The following MIER3 variants were observed in gnomAD, a reference collection of about 807,000 sequenced individuals.
The protein encoded by MIER3 is MIER family member 3.
In MIER3, 9 loss-of-function variants were observed where a neutral mutation model predicts 63.2. The observed-to-expected ratio is 0.14, with a 90% CI of 0.09 to 0.25. MIER3 has a LOEUF of 0.25. Ranked by LOEUF, MIER3 falls within the 10% of genes least tolerant of loss-of-function variation. The probability of loss-of-function intolerance (pLI) is 1.00; values close to 1 mark genes in which losing one functional copy is unlikely to be tolerated. For missense variants in MIER3, 512 were observed against 666.2 expected (o/e 0.77, Z 2.55); for synonymous variants, 205 against 224.9 (o/e 0.91, Z 0.79).
At chr5:56,923,629 A>G (rs771617542) in intron 12 of MIER3, 44 bp from the exon 13 acceptor site, 1 of 1,612,996 alleles carries the variant, frequency 6.2e-7, no homozygotes, top group South Asian at 1.1e-5. Context: ...GTCCTATGAC[A>G]TCAAACAGAG....
At chr5:56,948,685 A>G (rs35163627) in intron 2 of MIER3, among the ~76,000 whole-genome samples, 1 of 152,178 alleles carries the variant, frequency 6.6e-6, no homozygotes, top group Non-Finnish European at 1.5e-5. Flanking sequence ...CAAAAAAACA[A>G]CAAAAAAGAA....
Position 56,939,011 on chromosome 5 carries a change from T to C in MIER3, c.187A>G (p.Thr63Ala). The C allele has an allele frequency of 1.2e-6, 2 of 1,614,058 alleles. No homozygotes were observed. Among genetic ancestry groups the C allele is most frequent in the Non-Finnish European group, 1.7e-6 (2 of 1,179,948 alleles). The change falls in exon 4 of 13, where the codon ACC becomes GCC. Residue 63 changes from threonine (T) to alanine (A), a missense_variant. Coordinates refer to ENST00000381199, the MANE Select transcript of MIER3 (RefSeq NM_001297599.2). ...GCCAGTAAATCTTCTAGAGGCATGG[T>C]TCCTTCCTGTTCAAGCCAGGGCATA... ...SEIEDLEKEG[T>A]MPLEDLLAFY...
At chr5:56,928,236 T>C (rs1306972182) in intron 10 of MIER3, 2 of 152,264 alleles carry the variant, frequency 1.3e-5, no homozygotes. Flanking sequence ...GATTATTTAA[T>C]TATACGGTAA....
chr5:56,951,282 C>T (rs1306613288), intron 1 of MIER3, among the ~76,000 whole-genome samples: 1 of 152,042 alleles, frequency 6.6e-6, no homozygotes, highest in East Asian at 1.9e-4. Flanking sequence ...CTCCCTGGAC[C>T]GTCAGCGCGC....
At chr5:56,950,902 A>G (rs1445253903) in intron 1 of MIER3, among the ~76,000 whole-genome samples, 1 of 152,034 alleles carries the variant, frequency 6.6e-6, no homozygotes, top group Non-Finnish European at 1.5e-5. Context: ...AGGCAACTCC[A>G]AGTCGCTTCT....
intron 3 of MIER3, among the ~76,000 whole-genome samples, chr5:56,940,091 A>T (rs1750590006): frequency 6.6e-6 from 1 of 152,178 alleles, no homozygotes; most frequent in African/African-American, 2.4e-5. Flanking sequence ...GCATTTTGGG[A>T]GGCCGAGGCA....
Position 56,923,792 on chromosome 5 carries a change from C to A in MIER3, c.1094G>T (p.Gly365Val), listed in dbSNP as rs375553373. The change falls in exon 12 of 13, where the codon GGT becomes GTT. Residue 365 changes from glycine (G) to valine (V), a missense_variant. Transcript: ENST00000381199. ...DRLVDETEAL[G>V]GTVNASALTS... is the part of the protein sequence containing the mutation. The stretch of plus-strand genomic sequence containing the variant: ...TAAGGCTGAAGCATTTACCGTCCCA[C>A]CCAAAGCTTCTGTTTCATCTACTAA... 1 of 1,614,178 alleles carries A rather than the reference C, an allele frequency of 6.2e-7. No homozygotes were observed. The highest frequency in any genetic ancestry group is 8.5e-7 in the Non-Finnish European group (1 of 1,180,016).
chr5:56,930,191 T>C (rs1287931602), intron 9 of MIER3, among the ~76,000 whole-genome samples: 4 of 152,100 alleles, frequency 2.6e-5, no homozygotes, highest in African/African-American at 9.7e-5. Context: ...CCATTTTCCT[T>C]GACACACACA....
intron 10 of MIER3, 56 bp from the exon 11 acceptor site, chr5:56,924,098 A>G (rs999574915): frequency 6.4e-7 from 1 of 1,572,268 alleles, no homozygotes; most frequent in African/African-American, 1.4e-5. Flanking sequence ...TTTTTTAAGC[A>G]ACTTTTCTTT....
At chr5:56,943,231 T>G (rs530334661) in intron 3 of MIER3, among the ~76,000 whole-genome samples, 2 of 151,862 alleles carry the variant, frequency 1.3e-5, no homozygotes. Context: ...ATACATGACT[T>G]GAGACTTGGC....
intron 3 of MIER3, among the ~76,000 whole-genome samples, chr5:56,945,939 GTTTCT>G (rs1052952783): frequency 6.6e-6 from 1 of 151,956 alleles, no homozygotes; most frequent in Non-Finnish European, 1.5e-5. Context: ...TGTCTCTACT[GTTTCT>G]TTTATTCATT....
chr5:56,935,270 T>C (rs1750402740), intron 7 of MIER3, among the ~76,000 whole-genome samples, 158 bp downstream of exon 7: 1 of 152,172 alleles, frequency 6.6e-6, no homozygotes, highest in African/African-American at 2.4e-5. Flanking sequence ...TTAACTTTGA[T>C]ACATTTTTCC....
In MIER3 at chr5:56,923,904, A is replaced by G; in HGVS notation, c.1052+11T>C. On this transcript the variant is annotated intron_variant, in intron 11 of 12. Transcript: ENST00000381199. ...AAAGTAAGTCTTTGAAGGCAAGGCC[A>G]CAGTACTTACGTAACTCCAGGGTGA... 1 of 1,614,118 alleles carries G rather than the reference A, an allele frequency of 6.2e-7. No homozygotes were observed. The highest frequency in any genetic ancestry group is 8.5e-7 in the Non-Finnish European group (1 of 1,179,990).
chr5:56,947,169 A>T, intron 2 of MIER3, 98 bp from the exon 3 acceptor site: 1 of 1,187,130 alleles, frequency 8.4e-7, no homozygotes, highest in Non-Finnish European at 1.2e-6. Flanking sequence ...TTTCATGTTT[A>T]TATGAGGGTT....
upstream of MIER3, chr5:56,952,166 A>C: frequency 8.7e-7 from 1 of 1,152,686 alleles, no homozygotes; most frequent in Non-Finnish European, 1.1e-6. Flanking sequence ...GCCTGAGCCA[A>C]TCGCAGCCGC....
At chr5:56,924,297 G>A (rs1000029254) in intron 10 of MIER3, among the ~76,000 whole-genome samples, 2 of 151,964 alleles carry the variant, frequency 1.3e-5, no homozygotes, top group Non-Finnish European at 2.9e-5. Context: ...TATAAAACAA[G>A]TGTGTATCCA....
intron 8 of MIER3, 125 bp from the exon 9 acceptor site, chr5:56,930,870 G>T (rs747348743): frequency 5.1e-4 from 381 of 744,956 alleles, no homozygotes; most frequent in Non-Finnish European, 8.1e-4. Flanking sequence ...TAATTTCAGG[G>T]CATTTGAAGG....
chr5:56,949,273 G>A (rs1750933921), intron 2 of MIER3, among the ~76,000 whole-genome samples: 1 of 151,844 alleles, frequency 6.6e-6, no homozygotes, highest in Non-Finnish European at 1.5e-5. Context: ...CAGGAGAACA[G>A]CTTGAACCTC....
In MIER3 at chr5:56,921,377, C is replaced by T. The variant is rs1380602448; in HGVS notation, c.*1751G>A. 2 of 152,334 alleles carry T rather than the reference C, an allele frequency of 1.3e-5. No homozygotes were observed. Among genetic ancestry groups the T allele is most frequent in the African/African-American group, 4.8e-5 (2 of 41,440 alleles). 9.4% of individuals were successfully genotyped at this position (152,334 alleles called of 1,614,324 possible). ...AAATACAAGAAAGTAACACAGAGCC[C>T]AGGCTACCCATTATTTACTGTGTGC... On this transcript the variant is annotated 3_prime_UTR_variant, in exon 13 of 13. Transcript: ENST00000381199.
Sources: allele counts gnomAD v4.1 joint callset (sites outside exome capture counted in the v4.1 genomes callset), GRCh38; gene constraint gnomAD v4.1.1; transcripts MANE v1.5; gene names NCBI Gene and HGNC (gene_info 2026-07-23, HGNC 2026-07-21).